The following DMD variants were observed in gnomAD, a reference collection of about 807,000 sequenced individuals.
DMD encodes the protein mutant dystrophin.
DMD carries 63 observed loss-of-function variants against 330.1 expected under a neutral mutation model. That is an observed-to-expected ratio of 0.19 (90% CI 0.16 to 0.24). The LOEUF (loss-of-function observed/expected upper bound fraction) is 0.24, where lower values mean the gene tolerates loss of function less well. DMD is among the 10% of genes least tolerant of loss of function. DMD has a pLI of 1.00. For synonymous variants in DMD, 1,223 were observed against 959.8 expected (o/e 1.27, Z -5.07); for missense variants, 3,344 against 2,684.1 (o/e 1.25, Z -5.43).
rs2035617321 is a variant in DMD at position 31,138,671 on chromosome X, GAGA to G, written c.10922-4480_10922-4478del. Reference sequence around the variant, plus strand: ...AGAGAGAGAGAGAGAGAGAGAGAGAGAGAGAGAGAGAGAGAGAAGGGGGAAGTG... The same window carrying G: ...AGAGAGAGAGAGAGAGAGAGAGAGAGGAGAGAGAGAGAGAAGGGGGAAGTG... On this transcript the variant is annotated intron_variant, in intron 76 of 78. Coordinates refer to ENST00000357033, the MANE Select transcript of DMD (RefSeq NM_004006.3). Among the ~76,000 whole-genome samples the G allele has an allele frequency of 7.8e-4, 52 of 66,500 alleles. 2 individuals carry two copies. The highest frequency in any genetic ancestry group is 2.9e-3 in the African/African-American group (48 of 16,455). 57.7% of individuals were successfully genotyped at this position (66,500 alleles called of 115,157 possible).
chrX:33,043,575 A>T (rs901031186), intron 1 of DMD, among the ~76,000 whole-genome samples: 2 of 111,426 alleles, frequency 1.8e-5, no homozygotes, highest in Non-Finnish European at 3.8e-5. Flanking sequence ...GCATACACGC[A>T]TGCACAAGCA....
In DMD at chrX:32,473,666, T is replaced by C. The variant is rs553830511; in HGVS notation, c.2804-1357A>G. Among the ~76,000 whole-genome samples the C allele has an allele frequency of 1.8e-4, 20 of 111,353 alleles. No homozygotes were observed. The South Asian group carries it at 7.1e-3, about 40-fold the overall frequency. ...TGGATGCTGAAATGTTAGAAATGGATAATTTTTTTCAATATGTTTATATTG... is the reference window on the plus strand; with the variant it reads ...TGGATGCTGAAATGTTAGAAATGGACAATTTTTTTCAATATGTTTATATTG... On this transcript the variant is annotated intron_variant, in intron 21 of 78. Coordinates refer to ENST00000357033, the MANE Select transcript of DMD (RefSeq NM_004006.3).
chrX:32,106,398 A>T (rs906757952), intron 44 of DMD, among the ~76,000 whole-genome samples: 2 of 111,838 alleles, frequency 1.8e-5, no homozygotes, highest in African/African-American at 6.5e-5. Context: ...GAAAAGGGTA[A>T]TGCAAAGTGA....
intron 1 of DMD, among the ~76,000 whole-genome samples, chrX:33,200,361 T>G (rs2051193733): frequency 9.0e-6 from 1 of 111,168 alleles, no homozygotes. Flanking sequence ...AGCCAAAAAC[T>G]TTCATACGTA....
chrX:32,039,260 CT>C (rs1022678582), intron 44 of DMD, among the ~76,000 whole-genome samples: 11 of 111,337 alleles, frequency 9.9e-5, no homozygotes, highest in Non-Finnish European at 1.9e-4. Flanking sequence ...ATTAGATACT[CT>C]CAATGGCCTC....
At chrX:32,526,239 A>T (rs2046925451) in intron 17 of DMD, among the ~76,000 whole-genome samples, 1 of 112,013 alleles carries the variant, frequency 8.9e-6, no homozygotes, top group Non-Finnish European at 1.9e-5. Context: ...CAAAATGATT[A>T]TTTCTATAAT....
chrX:33,155,319 CT>C lies in DMD; in HGVS notation c.31+55962del, dbSNP rs765047079. Among the ~76,000 whole-genome samples, 696 of 97,715 alleles carry C rather than the reference CT, an allele frequency of 7.1e-3. 1 individual carries two copies. The highest frequency in any genetic ancestry group is 0.019 in the African/African-American group (516 of 27,236). The allele number at this position is 97,715 out of a possible 115,157, so 84.9% of individuals were successfully genotyped here. A position where few individuals can be genotyped will look rare whatever the true frequency, so the allele number is the denominator to read the frequency against. On this transcript the variant is annotated intron_variant, in intron 1 of 78. Coordinates refer to ENST00000357033, the MANE Select transcript of DMD (RefSeq NM_004006.3). ...ATAGACAATGTTTATGAGCCTTTCT[CT>C]TTTTTTTTTTTTTTAGACAGAGTCT...
chrX:31,907,887 A>T (rs1312196396), intron 47 of DMD, among the ~76,000 whole-genome samples: 2 of 112,561 alleles, frequency 1.8e-5, no homozygotes, highest in African/African-American at 6.5e-5. Context: ...AACCAACCTC[A>T]TCGAAAAGTC....
intron 62 of DMD, among the ~76,000 whole-genome samples, chrX:31,300,294 G>A (rs1243352279): frequency 8.9e-6 from 1 of 112,348 alleles, no homozygotes; most frequent in African/African-American, 3.2e-5. Flanking sequence ...TCCTACAGAA[G>A]TTCCAAACCT....
intron 4 of DMD, among the ~76,000 whole-genome samples, chrX:32,842,569 G>A (rs949844301): frequency 1.8e-5 from 2 of 111,087 alleles, no homozygotes; most frequent in African/African-American, 3.3e-5. Flanking sequence ...GATTTATCAC[G>A]TAGGAGTCTC....
At chrX:32,746,255 C>T (rs1371771920) in intron 7 of DMD, among the ~76,000 whole-genome samples, 1 of 112,108 alleles carries the variant, frequency 8.9e-6, no homozygotes, top group African/African-American at 3.2e-5. Flanking sequence ...TATCTGGAGT[C>T]AAGCTTTCAT....
intron 22 of DMD, 35 bp from the exon 23 acceptor site, chrX:32,468,745 T>G: frequency 9.3e-7 from 1 of 1,080,962 alleles, no homozygotes; most frequent in Non-Finnish European, 1.3e-6. Flanking sequence ...TTTACCCTAA[T>G]TGATGAATAA....
rs776763095 is a variant in DMD, at chrX:32,464,925, T to TAC, written c.3163-228_3163-227dup. On this transcript the variant is annotated intron_variant, in intron 23 of 78. Coordinates refer to ENST00000357033, the MANE Select transcript of DMD (RefSeq NM_004006.3). ...GCTATTGTTAAAAATACAAAATTAC[T>TAC]ACCAAATGTGGTTTTATGATGTTAC... Among the ~76,000 whole-genome samples the TAC allele has an allele frequency of 3.0e-4, 34 of 111,970 alleles. No individual in the cohort carries two copies. In the East Asian group the frequency reaches 5.6e-3, roughly 19 times the overall value.
intron 1 of DMD, among the ~76,000 whole-genome samples, chrX:33,205,239 CACTT>C (rs1183025217): frequency 8.9e-6 from 1 of 112,451 alleles, no homozygotes; most frequent in African/African-American, 3.2e-5. Flanking sequence ...ATTATTTTTT[CACTT>C]ACTCAACTAG....
chrX:32,877,474 A>G (rs1268291238), intron 2 of DMD, among the ~76,000 whole-genome samples: 4 of 112,313 alleles, frequency 3.6e-5, no homozygotes, highest in Non-Finnish European at 7.5e-5. Flanking sequence ...ACAATTAGAG[A>G]TGTTTCAAAA....
At chrX:31,297,185 A>G (rs1290607086) in intron 62 of DMD, among the ~76,000 whole-genome samples, 1 of 111,189 alleles carries the variant, frequency 9.0e-6, no homozygotes, top group East Asian at 2.8e-4. Context: ...GACTACCTGT[A>G]TCAGTTTATA....
At chrX:31,545,304 G>C (rs764567413) in intron 55 of DMD, among the ~76,000 whole-genome samples, 3 of 111,851 alleles carry the variant, frequency 2.7e-5, no homozygotes, top group Non-Finnish European at 5.6e-5. Flanking sequence ...CTCAGGGACA[G>C]CATGGAAGAG....
At chrX:32,068,661 T>TA (rs1195415803) in intron 44 of DMD, among the ~76,000 whole-genome samples, 1 of 110,732 alleles carries the variant, frequency 9.0e-6, no homozygotes, top group Admixed American at 9.7e-5. Context: ...TTCAATGCCC[T>TA]AAAAAAATAT....
chrX:31,541,341 CT>C (rs202195666), intron 55 of DMD, among the ~76,000 whole-genome samples: 20 of 106,671 alleles, frequency 1.9e-4, no homozygotes, highest in South Asian at 4.1e-4. Flanking sequence ...CAAATATTTT[CT>C]TTTTTTTTTA....
Sources: allele counts gnomAD v4.1 joint callset (sites outside exome capture counted in the v4.1 genomes callset), GRCh38; gene constraint gnomAD v4.1.1; transcripts MANE v1.5; gene names NCBI Gene and HGNC (gene_info 2026-07-23, HGNC 2026-07-21).